The following UBTD1 variants were observed in gnomAD, a reference collection of about 807,000 sequenced individuals.
UBTD1 encodes ubiquitin domain-containing protein 1.
UBTD1 carries 19 observed loss-of-function variants against 21.7 expected under a neutral mutation model. That is an observed-to-expected ratio of 0.87 (90% confidence interval 0.61 to 1.28). The LOEUF (loss-of-function observed/expected upper bound fraction) is 1.28, where lower values mean the gene tolerates loss of function less well. UBTD1 is among the 50% of genes most tolerant of loss of function. The pLI, the probability that UBTD1 is intolerant of heterozygous loss-of-function variation, is 0.00. For synonymous variants in UBTD1, 116 were observed against 135.1 expected (o/e 0.86, Z 0.98); for missense variants, 282 against 315.1 (o/e 0.89, Z 0.80).
intron 1 of UBTD1, among the ~76,000 whole-genome samples, chr10:97,559,240 T>C (rs1326789970): frequency 1.3e-5 from 2 of 152,208 alleles, no homozygotes; most frequent in Admixed American, 6.5e-5. Flanking sequence ...TGTAGAATTC[T>C]GGAAAAGAGC....
chr10:97,528,113 GC>G (rs1376344263), intron 1 of UBTD1, among the ~76,000 whole-genome samples: 1 of 132,198 alleles, frequency 7.6e-6, no homozygotes, highest in Non-Finnish European at 1.7e-5. Flanking sequence ...GGGGAGGCTG[GC>G]CGGGCGGGGG....
chr10:97,564,834 G>A (rs982660500), intron 1 of UBTD1, among the ~76,000 whole-genome samples: 4 of 152,162 alleles, frequency 2.6e-5, no homozygotes, highest in African/African-American at 9.7e-5. Context: ...AAAGTGTTGG[G>A]ATTACAGGCA....
At chr10:97,532,979 G>C (rs1392078467) in intron 1 of UBTD1, among the ~76,000 whole-genome samples, 2 of 152,182 alleles carry the variant, frequency 1.3e-5, no homozygotes, top group Non-Finnish European at 2.9e-5. Flanking sequence ...CCATGGTCAG[G>C]GTCCAGGGGA....
intron 1 of UBTD1, among the ~76,000 whole-genome samples, chr10:97,543,056 G>A (rs976905463): frequency 1.6e-4 from 24 of 152,366 alleles, no homozygotes; most frequent in African/African-American, 5.8e-4. Context: ...GTTTTTGGTG[G>A]ACCACACTGG....
intron 1 of UBTD1, among the ~76,000 whole-genome samples, chr10:97,501,322 C>T (rs1217062636): frequency 6.6e-6 from 1 of 152,254 alleles, no homozygotes; most frequent in Non-Finnish European, 1.5e-5. Context: ...CGTGGTGGCT[C>T]ATGCCTGTAA....
rs190109871 is a variant in UBTD1 at position 97,514,286 on chromosome 10, C to T, written c.70+15013C>T. On this transcript the variant is annotated intron_variant, in intron 1 of 2. Coordinates refer to ENST00000370664, the MANE Select transcript of UBTD1 (RefSeq NM_024954.5). ...TGAGAGTCTCAGGTTTACCATTCTC[C>T]ACTGCTGCCCCAGGGGCTCAGAGAA... Among the ~76,000 whole-genome samples the T allele has an allele frequency of 1.5e-4, 23 of 152,234 alleles. No homozygotes were observed. The East Asian group carries it at 1.9e-3, about 13-fold the overall frequency.
intron 1 of UBTD1, among the ~76,000 whole-genome samples, chr10:97,538,299 C>G (rs928292478): frequency 5.9e-5 from 9 of 152,060 alleles, no homozygotes; most frequent in African/African-American, 2.2e-4. Context: ...TAAGACCAAC[C>G]TGGGCAACAC....
chr10:97,500,639 TC>T (rs1051110260), intron 1 of UBTD1, among the ~76,000 whole-genome samples: 5 of 152,148 alleles, frequency 3.3e-5, no homozygotes, highest in East Asian at 3.9e-4. Flanking sequence ...TACGAGACAT[TC>T]CCCCCCTTCC....
intron 1 of UBTD1, among the ~76,000 whole-genome samples, chr10:97,501,515 GA>G (rs754958996): frequency 1.3e-5 from 2 of 152,090 alleles, no homozygotes; most frequent in African/African-American, 2.4e-5. Flanking sequence ...GCTTGAACTG[GA>G]AGTTTCGCAG....
In UBTD1 at chr10:97,570,232, G is replaced by C. The variant is rs758311434; in HGVS notation, c.393G>C (p.Thr131=). The change falls in exon 3 of 3, where the codon ACG becomes ACC. Residue 131 remains threonine, a synonymous_variant. Coordinates refer to ENST00000370664, the MANE Select transcript of UBTD1 (RefSeq NM_024954.5). The surrounding 1 kb of genome is among the most constrained non-coding windows in gnomAD (Gnocchi z 6.6). ...SPPVNLLLEH[T]EEESLEPPEP... Reference sequence around the variant, plus strand: ...CGGTGAACCTGCTGCTGGAGCACACGGAGGAGGAGAGCCTGGAGCCCCCCG... The same window carrying C: ...CGGTGAACCTGCTGCTGGAGCACACCGAGGAGGAGAGCCTGGAGCCCCCCG... 4 of 1,613,206 alleles carry C rather than the reference G, an allele frequency of 2.5e-6. No individual in the cohort carries two copies. In the South Asian group the frequency reaches 4.4e-5, roughly 18 times the overall value.
At chr10:97,521,038 T>A (rs2040465051) in intron 1 of UBTD1, among the ~76,000 whole-genome samples, 1 of 152,204 alleles carries the variant, frequency 6.6e-6, no homozygotes, top group African/African-American at 2.4e-5. Flanking sequence ...GAGGGAGATC[T>A]GCTGGGGAAG....
chr10:97,532,721 C>T (rs1269078508), intron 1 of UBTD1, among the ~76,000 whole-genome samples: 8 of 151,908 alleles, frequency 5.3e-5, no homozygotes, highest in African/African-American at 1.9e-4. Context: ...GTCCGGGAGA[C>T]GGAGGTCGCA....
intron 1 of UBTD1, among the ~76,000 whole-genome samples, chr10:97,532,191 T>A (rs1051012203): frequency 6.6e-6 from 1 of 152,198 alleles, no homozygotes; most frequent in Non-Finnish European, 1.5e-5. Flanking sequence ...GCTCTCAGTC[T>A]GCCATCTCTT....
chr10:97,554,233 TTTTG>T (rs1054537784), intron 1 of UBTD1, among the ~76,000 whole-genome samples: 3 of 145,000 alleles, frequency 2.1e-5, no homozygotes, highest in Non-Finnish European at 3.0e-5. Flanking sequence ...CATTTTATTT[TTTTG>T]TTTGTTTTCG....
chr10:97,536,702 C>A (rs1185550985), intron 1 of UBTD1, among the ~76,000 whole-genome samples: 1 of 152,146 alleles, frequency 6.6e-6, no homozygotes, highest in East Asian at 1.9e-4. Context: ...GCCGTAGATG[C>A]TTCTGTACCT....
intron 1 of UBTD1, among the ~76,000 whole-genome samples, chr10:97,559,146 G>A (rs2135685270): frequency 6.6e-6 from 1 of 152,342 alleles, no homozygotes; most frequent in East Asian, 1.9e-4. Flanking sequence ...GTTGGGAGAC[G>A]GAAGCTGGAT....
chr10:97,562,604 A>G (rs1490416688), intron 1 of UBTD1, among the ~76,000 whole-genome samples: 4 of 151,946 alleles, frequency 2.6e-5, no homozygotes, highest in African/African-American at 9.7e-5. Context: ...CGTACAAAGT[A>G]ATTCACAAGG....
intron 1 of UBTD1, among the ~76,000 whole-genome samples, chr10:97,522,389 C>T (rs1319034909): frequency 6.6e-6 from 1 of 152,234 alleles, no homozygotes; most frequent in Non-Finnish European, 1.5e-5. Flanking sequence ...GTGAACTTGG[C>T]TGAGCCCAAG....
At chr10:97,509,368 A>G (rs1335041473) in intron 1 of UBTD1, among the ~76,000 whole-genome samples, 1 of 152,226 alleles carries the variant, frequency 6.6e-6, no homozygotes, top group Non-Finnish European at 1.5e-5. Flanking sequence ...CATTTAGAGT[A>G]GTGAAGCGTG....
Sources: allele counts gnomAD v4.1 joint callset (sites outside exome capture counted in the v4.1 genomes callset), GRCh38; gene constraint gnomAD v4.1.1; non-coding constraint Gnocchi (gnomAD v3.1); transcripts MANE v1.5; gene names NCBI Gene and HGNC (gene_info 2026-07-23, HGNC 2026-07-21).